COLEC10: variants seen among roughly 807,000 people sequenced by gnomAD.
COLEC10 encodes the protein collectin subfamily member 10, also known as collectin-10.
In COLEC10, 22 loss-of-function variants were observed where a neutral mutation model predicts 28.4. The observed-to-expected ratio is 0.78, with a 90% CI of 0.55 to 1.11. COLEC10 has a LOEUF of 1.11. Ranked by LOEUF, COLEC10 falls within the 50% of genes least tolerant of loss-of-function variation. The pLI is 0.00. For missense variants in COLEC10, 361 were observed against 344.1 expected (o/e 1.05, Z -0.39); for synonymous variants, 125 against 116.1 (o/e 1.08, Z -0.49).
chr8:118,986,588 A>G, the COLEC10 span, among the ~76,000 whole-genome samples: 1 of 152,222 alleles, frequency 6.6e-6, no homozygotes, highest in Non-Finnish European at 1.5e-5. Flanking sequence ...TGCCAAAAAG[A>G]TGAATGAAAA....
intron 2 of COLEC10, among the ~76,000 whole-genome samples, chr8:119,017,169 C>T (rs1333128550): frequency 6.6e-6 from 1 of 152,068 alleles, no homozygotes; most frequent in Admixed American, 6.6e-5. Context: ...CATAGAATGA[C>T]TAAGTGACGT....
the COLEC10 span, among the ~76,000 whole-genome samples, chr8:118,989,613 T>C: frequency 2.0e-5 from 3 of 147,428 alleles, no homozygotes; most frequent in Non-Finnish European, 4.5e-5. Flanking sequence ...AACTGCAGAA[T>C]ACCAAAGACA....
chr8:119,091,278 G>A (rs934926177), intron 3 of COLEC10, 58 bp downstream of exon 3: 7 of 1,281,858 alleles, frequency 5.5e-6, no homozygotes, highest in Non-Finnish European at 6.8e-6. Flanking sequence ...GGCCGGGTAC[G>A]ATGGCTCACA....
rs781705535 is a variant in COLEC10, at chr8:119,045,449, C to CT, written n.235+35896_235+35897insT. ...ATACTGACAATAGAGAAAGCTGAAA[C>CT]AATGGGATTAGATATGGTATAACTT... On this transcript the variant is annotated intron_variant and non_coding_transcript_variant, in intron 2 of 6. Coordinates refer to the COLEC10 transcript ENST00000521788. Among the ~76,000 whole-genome samples, 596 of 152,324 alleles carry CT rather than the reference C, an allele frequency of 3.9e-3. 5 individuals carry two copies. Among genetic ancestry groups the CT allele is most frequent in the Non-Finnish European group, 6.4e-3 (437 of 68,032 alleles).
In COLEC10 at chr8:119,053,123, T is replaced by C. The variant is rs147716554; in HGVS notation, n.236-36557T>C. 5.3e-4 allele frequency among the ~76,000 whole-genome samples: 80 copies of C among 152,236 alleles called. No homozygotes were observed. The East Asian group carries it at 5.6e-3, about 11-fold the overall frequency. ...GATGTGCTCTACAATAATAACTCTG[T>C]TATCCTCAACACTTCAGTGGAAAAA... On this transcript the variant is annotated intron_variant and non_coding_transcript_variant, in intron 2 of 6. Transcript: ENST00000521788.
At chr8:119,070,474 T>C (rs568796610) in intron 1 of COLEC10, among the ~76,000 whole-genome samples, 54 of 120,002 alleles carry the variant, frequency 4.5e-4, no homozygotes, top group African/African-American at 1.5e-3. Context: ...TCTCTCTCTC[T>C]CTCCTTCCCC....
At chr8:119,023,612 T>C (rs1814135405) in intron 2 of COLEC10, among the ~76,000 whole-genome samples, 1 of 152,194 alleles carries the variant, frequency 6.6e-6, no homozygotes, top group African/African-American at 2.4e-5. Flanking sequence ...ATTTAAAAAA[T>C]ATTCTGATTT....
At chr8:119,004,906 C>A (rs560373396) in intron 1 of COLEC10, among the ~76,000 whole-genome samples, 8 of 152,040 alleles carry the variant, frequency 5.3e-5, no homozygotes, top group Non-Finnish European at 8.8e-5. Flanking sequence ...TCTTTCACCT[C>A]TTTGCTAAAA....
intron 2 of COLEC10, among the ~76,000 whole-genome samples, chr8:119,041,538 T>C (rs1159208997): frequency 6.6e-6 from 1 of 152,180 alleles, no homozygotes; most frequent in Non-Finnish European, 1.5e-5. Context: ...TTGGCCCTTA[T>C]TAAAACATGA....
intron 3 of COLEC10, among the ~76,000 whole-genome samples, chr8:119,095,431 G>A (rs1289508393): frequency 2.6e-5 from 4 of 152,090 alleles, no homozygotes; most frequent in Non-Finnish European, 5.9e-5. Context: ...GGCCAGGCAC[G>A]GTGGCTCATG....
the COLEC10 span, among the ~76,000 whole-genome samples, chr8:118,974,312 A>G: frequency 6.6e-6 from 1 of 151,998 alleles, no homozygotes; most frequent in African/African-American, 2.4e-5. Context: ...GTTAAAATAC[A>G]GAGGAAGTAT....
chr8:118,997,664 C>A (rs1175858954), intron 1 of COLEC10, among the ~76,000 whole-genome samples: 2 of 152,300 alleles, frequency 1.3e-5, no homozygotes, highest in South Asian at 2.1e-4. Flanking sequence ...TCTCTACTGA[C>A]TGCCTTATAA....
At position 119,025,936 on chromosome 8, in the gene COLEC10, C is replaced by T. The variant is rs923413011; in HGVS notation, n.235+16383C>T. Among the ~76,000 whole-genome samples the T allele has an allele frequency of 5.3e-5, 8 of 152,138 alleles. No homozygotes were observed. In the East Asian group the frequency reaches 1.5e-3, roughly 29 times the overall value. On this transcript the variant is annotated intron_variant and non_coding_transcript_variant, in intron 2 of 6. Transcript: ENST00000521788. Reference sequence around the variant, plus strand: ...TGCCTGCATCATGTCACATCAACAACTCACTTGGATTGCTCATGTCTTCCT... The same window carrying T: ...TGCCTGCATCATGTCACATCAACAATTCACTTGGATTGCTCATGTCTTCCT...
the COLEC10 span, among the ~76,000 whole-genome samples, chr8:118,973,897 A>G: frequency 6.6e-6 from 1 of 151,840 alleles, no homozygotes; most frequent in African/African-American, 2.4e-5. Context: ...CACCATCCCC[A>G]TCTCAACTTA....
chr8:119,034,973 T>C (rs1814360393), intron 2 of COLEC10, among the ~76,000 whole-genome samples: 1 of 152,124 alleles, frequency 6.6e-6, no homozygotes, highest in South Asian at 2.1e-4. Flanking sequence ...TGTCCAAAAA[T>C]AGCAAAGACG....
intron 1 of COLEC10, among the ~76,000 whole-genome samples, chr8:119,086,262 G>T (rs1815479424): frequency 6.6e-6 from 1 of 151,860 alleles, no homozygotes; most frequent in Non-Finnish European, 1.5e-5. Flanking sequence ...GCTTATTTCA[G>T]TTTATAGCTT....
At chr8:119,011,855 TG>T (rs1322589381) in intron 2 of COLEC10, among the ~76,000 whole-genome samples, 1 of 151,012 alleles carries the variant, frequency 6.6e-6, no homozygotes, top group Admixed American at 6.6e-5. Flanking sequence ...AGTGTTATAT[TG>T]GCATACTTTT....
chr8:119,013,246 T>C (rs1473930396), intron 2 of COLEC10, among the ~76,000 whole-genome samples: 1 of 150,698 alleles, frequency 6.6e-6, no homozygotes, highest in Admixed American at 6.6e-5. Context: ...AAGTGCGTTG[T>C]TTAGTCTCCA....
chr8:119,031,058 C>A (rs1814278057), intron 2 of COLEC10, among the ~76,000 whole-genome samples: 2 of 152,154 alleles, frequency 1.3e-5, no homozygotes, highest in Admixed American at 1.3e-4. Context: ...ATATTCCAAA[C>A]CAGATTAAAC....
Sources: gnomAD v4.1 joint callset for allele counts (sites outside exome capture counted in the v4.1 genomes callset) on GRCh38, gnomAD v4.1.1 for gene constraint, MANE v1.5 for transcripts, NCBI Gene and HGNC (gene_info 2026-07-23, HGNC 2026-07-21) for gene names.